Variants in HDAC9 observed in about 807,000 individuals in gnomAD.
The protein encoded by HDAC9 is MEF-2 interacting transcription repressor (MITR) protein.
In HDAC9, 41 loss-of-function variants were observed where a neutral mutation model predicts 139.4. That is an observed-to-expected ratio of 0.29 (90% CI 0.23 to 0.38). The LOEUF is 0.38. HDAC9 is among the 10% of genes least tolerant of loss of function. HDAC9 has a pLI of 1.00. For synonymous variants in HDAC9, 517 were observed against 476.2 expected (o/e 1.09, Z -1.12); for missense variants, 1,147 against 1,297.0 (o/e 0.88, Z 1.78).
chr7:18,528,075 G>C (rs1014468174), intron 2 of HDAC9, among the ~76,000 whole-genome samples: 1 of 151,992 alleles, frequency 6.6e-6, no homozygotes, highest in Non-Finnish European at 1.5e-5. Flanking sequence ...AGGATCACTT[G>C]AACTCAAGTT....
chr7:18,655,668 G>A (rs1355003983), intron 11 of HDAC9, among the ~76,000 whole-genome samples: 3 of 152,186 alleles, frequency 2.0e-5, no homozygotes, highest in Admixed American at 6.6e-5. Flanking sequence ...GTGGATTAAT[G>A]TGCAGCATTC....
At chr7:18,698,707 C>T (rs924720590) in intron 12 of HDAC9, among the ~76,000 whole-genome samples, 4 of 152,188 alleles carry the variant, frequency 2.6e-5, no homozygotes, top group Admixed American at 2.0e-4. Context: ...GGCCACTGCC[C>T]TGTCCAATGG....
intron 1 of HDAC9, among the ~76,000 whole-genome samples, chr7:18,394,449 A>G (rs186320640): frequency 3.3e-5 from 5 of 152,214 alleles, no homozygotes; most frequent in South Asian, 4.1e-4. Context: ...CAAATGTTAC[A>G]CTTCCTAGGA....
chr7:18,449,169 C>A (rs1210845758), intron 1 of HDAC9, among the ~76,000 whole-genome samples: 2 of 152,084 alleles, frequency 1.3e-5, no homozygotes, highest in Non-Finnish European at 2.9e-5. Flanking sequence ...TCCAAAAGTA[C>A]ATGCACAAGA....
rs138197109 is a variant in HDAC9, at chr7:18,513,551, G to A, written c.22+17227G>A. Among the ~76,000 whole-genome samples the A allele has an allele frequency of 5.9e-3, 891 of 152,274 alleles. 14 individuals are homozygous for A. Among genetic ancestry groups the A allele is most frequent in the African/African-American group, 0.021 (856 of 41,562 alleles). ...AAAGGACAGCAATTCCAGGCAGGGG[G>A]AACAGCCAATGCCAAGGCCCTTGAG... On this transcript the variant is annotated intron_variant, in intron 2 of 25. Coordinates refer to ENST00000686413, the MANE Select transcript of HDAC9 (RefSeq NM_178425.4).
intron 1 of HDAC9, among the ~76,000 whole-genome samples, chr7:18,441,003 T>A (rs1791704206): frequency 6.6e-6 from 1 of 152,216 alleles, no homozygotes; most frequent in Non-Finnish European, 1.5e-5. Context: ...GGCTTCTAGT[T>A]CCAGATTTAT....
chr7:18,501,368 C>T (rs1385815278), intron 2 of HDAC9, among the ~76,000 whole-genome samples: 1 of 151,954 alleles, frequency 6.6e-6, no homozygotes, highest in Non-Finnish European at 1.5e-5. Flanking sequence ...GACAGACTCC[C>T]TGCTGCTTAA....
chr7:18,713,194 C>A (rs898444520), intron 12 of HDAC9, among the ~76,000 whole-genome samples: 4 of 152,222 alleles, frequency 2.6e-5, no homozygotes, highest in African/African-American at 9.6e-5. Context: ...AAAAATTTGA[C>A]TGTTGATAGA....
intron 2 of HDAC9, among the ~76,000 whole-genome samples, chr7:18,537,070 C>G (rs1430197150): frequency 6.6e-6 from 1 of 152,200 alleles, no homozygotes; most frequent in African/African-American, 2.4e-5. Flanking sequence ...CTTACTCTCA[C>G]TCTACTACAA....
At chr7:18,383,066 A>G (rs1331577266) in intron 1 of HDAC9, among the ~76,000 whole-genome samples, 1 of 152,238 alleles carries the variant, frequency 6.6e-6, no homozygotes, top group Middle Eastern at 3.2e-3. Flanking sequence ...TTATAAATTA[A>G]TTCTAACAAG....
chr7:18,718,209 T>C (rs1036253409), intron 12 of HDAC9, among the ~76,000 whole-genome samples: 3 of 152,074 alleles, frequency 2.0e-5, no homozygotes, highest in African/African-American at 7.2e-5. Flanking sequence ...ATGTAAATCG[T>C]ATTGTATGGT....
At chr7:18,734,026 A>T (rs1000916323) in intron 13 of HDAC9, among the ~76,000 whole-genome samples, 2 of 152,172 alleles carry the variant, frequency 1.3e-5, no homozygotes, top group Non-Finnish European at 2.9e-5. Context: ...AATATCCTCA[A>T]TTAGTCCTAT....
At chr7:18,096,816 A>G (rs1782533347) in intron 1 of HDAC9, among the ~76,000 whole-genome samples, 1 of 152,178 alleles carries the variant, frequency 6.6e-6, no homozygotes, top group Non-Finnish European at 1.5e-5. Context: ...AATGCGTAGC[A>G]CAGCAACTCT....
intron 2 of HDAC9, among the ~76,000 whole-genome samples, chr7:18,265,984 T>A (rs977243962): frequency 6.6e-6 from 1 of 152,206 alleles, no homozygotes; most frequent in African/African-American, 2.4e-5. Flanking sequence ...ATGTAGAAGC[T>A]GACACCATAT....
At chr7:18,547,806 C>CGCTTCCTT (rs1815507715) in intron 2 of HDAC9, among the ~76,000 whole-genome samples, 1 of 68,018 alleles carries the variant, frequency 1.5e-5, no homozygotes, top group Non-Finnish European at 2.9e-5. Flanking sequence ...TTCAAGAAAC[C>CGCTTCCTT]CCTTCCTTCC....
chr7:18,492,074 T>C (rs1350030111), upstream of HDAC9, among the ~76,000 whole-genome samples: 1 of 151,968 alleles, frequency 6.6e-6, no homozygotes, highest in East Asian at 1.9e-4. Flanking sequence ...GCAACTAACA[T>C]GATGCAATAA....
intron 2 of HDAC9, among the ~76,000 whole-genome samples, chr7:18,547,857 T>TTCCTTCCCTCCCTCCC (rs1563229989): frequency 1.7e-5 from 2 of 118,456 alleles, no homozygotes; most frequent in African/African-American, 7.9e-5. Flanking sequence ...CCTTCCTTCC[T>TTCCTTCCCTCCCTCCC]ACCCTCCCTC....
At chr7:18,901,169 C>G (rs371836691) in intron 22 of HDAC9, among the ~76,000 whole-genome samples, 3 of 149,962 alleles carry the variant, frequency 2.0e-5, no homozygotes, top group African/African-American at 7.3e-5. Flanking sequence ...TGCAACAGAT[C>G]AGACTCTCTT....
At chr7:18,278,568 G>A (rs1292661433) in intron 2 of HDAC9, among the ~76,000 whole-genome samples, 3 of 152,028 alleles carry the variant, frequency 2.0e-5, no homozygotes, top group Admixed American at 6.6e-5. Context: ...TGTGGTCTAG[G>A]GTTTTTCAGG....
Sources: allele counts gnomAD v4.1 joint callset (sites outside exome capture counted in the v4.1 genomes callset), GRCh38; gene constraint gnomAD v4.1.1; transcripts MANE v1.5; gene names NCBI Gene and HGNC (gene_info 2026-07-23, HGNC 2026-07-21).